SATL1: variants seen among roughly 807,000 people sequenced by gnomAD.
SATL1 encodes the protein spermidine/spermine N(1)-acetyltransferase-like protein 1.
A neutral mutation model predicts 51.8 loss-of-function variants in SATL1; 47 were observed. That is an observed-to-expected ratio of 0.91 (90% CI 0.72 to 1.16). SATL1 has a LOEUF of 1.16. Ranked by LOEUF, SATL1 falls within the 50% of genes most tolerant of loss-of-function variation. The probability of loss-of-function intolerance (pLI) is 0.00; values close to 1 mark genes in which losing one functional copy is unlikely to be tolerated. For synonymous variants in SATL1, 176 were observed against 182.4 expected, an observed-to-expected ratio of 0.97 and a Z score of 0.28; for missense variants, 520 against 526.4, an observed-to-expected ratio of 0.99 and a Z score of 0.12.
chrX:85,124,762 G>A (rs1739829788), intron 2 of SATL1, among the ~76,000 whole-genome samples: 1 of 110,884 alleles, frequency 9.0e-6, no homozygotes, highest in Non-Finnish European at 1.9e-5. Context: ...GTTATATGAA[G>A]CAGATTTATT....
intron 2 of SATL1, among the ~76,000 whole-genome samples, chrX:85,197,802 C>T (rs1029545268): frequency 5.4e-5 from 6 of 110,189 alleles, no homozygotes; most frequent in African/African-American, 2.0e-4. Context: ...CCAATTTCAT[C>T]CATGTCCCTA....
chrX:85,112,379 A>G (rs2147695590), intron 2 of SATL1, among the ~76,000 whole-genome samples: 1 of 111,271 alleles, frequency 9.0e-6, no homozygotes, highest in East Asian at 2.9e-4. Context: ...GCAGGAAGAA[A>G]AGGAAGTAAA....
intron 2 of SATL1, among the ~76,000 whole-genome samples, chrX:85,143,790 T>A (rs1297859333): frequency 1.8e-5 from 2 of 111,620 alleles, no homozygotes; most frequent in African/African-American, 3.2e-5. Context: ...TAACTAAAAT[T>A]TTTACTTGTG....
At chrX:85,178,406 ATTTTGTTTTTGT>A (rs775550654) in intron 2 of SATL1, among the ~76,000 whole-genome samples, 1 of 110,713 alleles carries the variant, frequency 9.0e-6, no homozygotes, top group African/African-American at 3.3e-5. Flanking sequence ...CCTGTCAAAG[ATTTTGTTTTTGT>A]TTTTGTTTTT....
At position 85,108,952 on chromosome X, in the gene SATL1, G is replaced by A. The variant is rs368513929; in HGVS notation, c.17C>T (p.Thr6Met). 7.5e-6 allele frequency: 9 copies of A among 1,201,469 alleles called. No homozygotes were observed. Among genetic ancestry groups the A allele is most frequent in the East Asian group, 6.0e-5 (2 of 33,417 alleles). Residue 6 changes from threonine to methionine, a missense_variant, in exon 3 of 8, where the codon ACG becomes ATG. Transcript: ENST00000644105. ...CGAGTCTGATAAACTTGATTGGTTC[G>A]TGCCTGATTGGTTCATGCCCAGTTG... Reference protein sequence around the residue: MNQSGTNQSSLSDSNQ... With the variant: MNQSGMNQSSLSDSNQ...
At chrX:85,115,652 G>A (rs760271585) in intron 2 of SATL1, among the ~76,000 whole-genome samples, 1 of 112,253 alleles carries the variant, frequency 8.9e-6, no homozygotes, top group East Asian at 2.8e-4. Context: ...AGAAAAGGCA[G>A]ACTTGCCCCC....
chrX:85,127,980 CT>C (rs200706438), intron 2 of SATL1, among the ~76,000 whole-genome samples: 16,811 of 110,685 alleles, frequency 0.15, 1,438 homozygotes, highest in African/African-American at 0.32. Flanking sequence ...AGAACTTATC[CT>C]TTTTTTATGG....
At chrX:85,097,933 G>A (rs1347083696) in intron 4 of SATL1, among the ~76,000 whole-genome samples, 1 of 111,150 alleles carries the variant, frequency 9.0e-6, no homozygotes, top group African/African-American at 3.3e-5. Context: ...AAGCTTTAAG[G>A]CGTATGGAAG....
At chrX:85,241,077 C>A (rs956753419) in intron 1 of SATL1, among the ~76,000 whole-genome samples, 1 of 111,005 alleles carries the variant, frequency 9.0e-6, no homozygotes, top group Non-Finnish European at 1.9e-5. Flanking sequence ...ATAGTATTTA[C>A]GGACTTTTTG....
chrX:85,141,529 C>T (rs1233448860), intron 2 of SATL1, among the ~76,000 whole-genome samples: 1 of 111,639 alleles, frequency 9.0e-6, no homozygotes, highest in Non-Finnish European at 1.9e-5. Flanking sequence ...TATGGTAGGA[C>T]TTTCTAAGTG....
At chrX:85,121,397 A>G (rs868461823) in intron 2 of SATL1, among the ~76,000 whole-genome samples, 17 of 104,059 alleles carry the variant, frequency 1.6e-4, no homozygotes, top group African/African-American at 5.5e-4. Flanking sequence ...ACTATATATA[A>G]ATATATATAT....
chrX:85,198,513 G>T (rs1280100092), intron 2 of SATL1, among the ~76,000 whole-genome samples: 1 of 111,589 alleles, frequency 9.0e-6, no homozygotes, highest in African/African-American at 3.3e-5. Flanking sequence ...GAACTAAAAA[G>T]CCATTTTAAC....
At chrX:85,195,446 T>C (rs777747491) in intron 2 of SATL1, among the ~76,000 whole-genome samples, 2 of 111,349 alleles carry the variant, frequency 1.8e-5, no homozygotes, top group Non-Finnish European at 3.8e-5. Flanking sequence ...AAACAGTTGA[T>C]GAGGGGAGTT....
intron 2 of SATL1, among the ~76,000 whole-genome samples, chrX:85,135,140 C>T (rs1313157230): frequency 9.1e-6 from 1 of 109,927 alleles, no homozygotes; most frequent in Non-Finnish European, 1.9e-5. Flanking sequence ...CACATGGACA[C>T]ATGGCAGGAA....
chrX:85,119,748 A>C (rs1221432950), intron 2 of SATL1, among the ~76,000 whole-genome samples: 2 of 111,039 alleles, frequency 1.8e-5, no homozygotes, highest in Non-Finnish European at 3.8e-5. Flanking sequence ...ATCTGGTTTT[A>C]CTTTAGCTCC....
chrX:85,170,226 G>A (rs1215672624), intron 2 of SATL1, among the ~76,000 whole-genome samples: 1 of 110,980 alleles, frequency 9.0e-6, no homozygotes, highest in African/African-American at 3.3e-5. Flanking sequence ...AAACCCCCAT[G>A]AGACGAGTTT....
At chrX:85,224,768 CAAAAAAA>C (rs58905613) in intron 1 of SATL1, among the ~76,000 whole-genome samples, 1 of 59,752 alleles carries the variant, frequency 1.7e-5, no homozygotes, top group African/African-American at 5.2e-5. Flanking sequence ...GAGTATATAT[CAAAAAAA>C]AAAAAAAAAA....
chrX:85,202,186 A>C (rs1927700516), intron 2 of SATL1, among the ~76,000 whole-genome samples: 1 of 111,858 alleles, frequency 8.9e-6, no homozygotes, highest in Non-Finnish European at 1.9e-5. Context: ...TTTTAATTTA[A>C]GTTCCCTATA....
At chrX:85,188,954 G>A (rs759775743) in intron 2 of SATL1, among the ~76,000 whole-genome samples, 1 of 111,459 alleles carries the variant, frequency 9.0e-6, no homozygotes, top group South Asian at 3.8e-4. Flanking sequence ...CTGCCAAATT[G>A]GCCACAATAT....
Sources: allele counts gnomAD v4.1 joint callset (sites outside exome capture counted in the v4.1 genomes callset), GRCh38; gene constraint gnomAD v4.1.1; transcripts MANE v1.5; gene names NCBI Gene and HGNC (gene_info 2026-07-23, HGNC 2026-07-21).